The following DMD variants were observed in gnomAD, a reference collection of about 807,000 sequenced individuals.
DMD encodes the protein dystrophin.
In DMD, 63 loss-of-function variants were observed where a neutral mutation model predicts 330.1. The ratio of observed to expected loss-of-function variants is 0.19; its 90% confidence interval spans 0.16 to 0.24. The LOEUF (loss-of-function observed/expected upper bound fraction) is 0.24. Among genes scored for constraint, DMD ranks in the 10% least tolerant of loss-of-function variants. The pLI is 1.00. For missense variants in DMD, 3,344 were observed against 2,684.1 expected, an observed-to-expected ratio of 1.25 and a Z score of -5.43; for synonymous variants, 1,223 against 959.8, an observed-to-expected ratio of 1.27 and a Z score of -5.07.
chrX:31,293,220 T>TGTGTGTGAGTGTGTGTGTAGTCTGGTTTA (rs2053898360), intron 62 of DMD, among the ~76,000 whole-genome samples: 1 of 100,851 alleles, frequency 9.9e-6, no homozygotes, highest in African/African-American at 3.7e-5. Flanking sequence ...TGTGTGTGTG[T>TGTGTGTGAGTGTGTGTGTAGTCTGGTTTA]GTGTGTGTGT....
intron 61 of DMD, among the ~76,000 whole-genome samples, chrX:31,329,969 CAAAAAAAAA>C (rs142353794): frequency 3.1e-4 from 4 of 12,877 alleles, no homozygotes; most frequent in African/African-American, 6.1e-4. Flanking sequence ...GATTCCATCT[CAAAAAAAAA>C]AAAAAAAAAA....
rs149865862 is a variant in DMD, at chrX:31,946,426, T to C, written c.6615-14199A>G. ...TATCTTCTACATTACCTCTGGGCATTAAAATTTGATTCTGCATGAACTTTA... is the reference window on the plus strand; with the variant it reads ...TATCTTCTACATTACCTCTGGGCATCAAAATTTGATTCTGCATGAACTTTA... On this transcript the variant is annotated intron_variant, in intron 45 of 78. Transcript: ENST00000357033. 1.4e-3 allele frequency among the ~76,000 whole-genome samples: 155 copies of C among 111,856 alleles called. 2 individuals are homozygous for C. In the East Asian group the frequency reaches 0.038, roughly 27 times the overall value.
intron 1 of DMD, among the ~76,000 whole-genome samples, chrX:33,273,166 T>C (rs182602279): frequency 1.8e-5 from 2 of 112,401 alleles, no homozygotes; most frequent in African/African-American, 6.5e-5. Flanking sequence ...TGAACAACAA[T>C]GTAACATCAA....
chrX:32,009,877 T>A (rs1362569393), intron 44 of DMD, among the ~76,000 whole-genome samples: 1 of 112,331 alleles, frequency 8.9e-6, no homozygotes, highest in Non-Finnish European at 1.9e-5. Flanking sequence ...GAAACCATGA[T>A]AAAATCCAGC....
intron 15 of DMD, among the ~76,000 whole-genome samples, chrX:32,570,868 G>A (rs1258096423): frequency 2.7e-5 from 3 of 111,589 alleles, no homozygotes; most frequent in African/African-American, 9.8e-5. Flanking sequence ...TTCTTGATTG[G>A]TAAATCTAGT....
At chrX:32,894,462 G>A (rs1028146700) in intron 2 of DMD, among the ~76,000 whole-genome samples, 2 of 112,750 alleles carry the variant, frequency 1.8e-5, no homozygotes, top group Admixed American at 9.3e-5. Context: ...GCGGTGGGAT[G>A]AGCGGGCAAA....
intron 41 of DMD, among the ~76,000 whole-genome samples, chrX:32,325,313 C>T (rs1164134569): frequency 1.8e-5 from 2 of 110,749 alleles, no homozygotes; most frequent in Non-Finnish European, 3.8e-5. Context: ...AGTAATACTG[C>T]AATACATTTA....
chrX:32,394,562 A>C (rs1479045121), intron 30 of DMD, among the ~76,000 whole-genome samples: 1 of 111,946 alleles, frequency 8.9e-6, no homozygotes, highest in African/African-American at 3.2e-5. Context: ...TATTTGCACA[A>C]ATATTTAGTT....
At chrX:31,622,868 A>ATATATG (rs1156648683) in intron 55 of DMD, among the ~76,000 whole-genome samples, 1 of 92,461 alleles carries the variant, frequency 1.1e-5, no homozygotes, top group East Asian at 3.5e-4. Flanking sequence ...ATATATATAT[A>ATATATG]TATATATATA....
chrX:31,510,134 TACC>T (rs750196535), intron 55 of DMD, among the ~76,000 whole-genome samples: 146 of 112,373 alleles, frequency 1.3e-3, no homozygotes, highest in Non-Finnish European at 2.6e-3. Context: ...CGTACAAATG[TACC>T]ACCTTAGTTA....
At chrX:31,990,001 T>C (rs1352636538) in intron 44 of DMD, among the ~76,000 whole-genome samples, 1 of 111,141 alleles carries the variant, frequency 9.0e-6, no homozygotes, top group African/African-American at 3.3e-5. Flanking sequence ...GTGTTGGAAA[T>C]TTGCTTTAAT....
intron 12 of DMD, among the ~76,000 whole-genome samples, chrX:32,609,323 C>T (rs761116022): frequency 1.8e-5 from 2 of 110,986 alleles, no homozygotes; most frequent in African/African-American, 6.5e-5. Context: ...TAAATTGCTG[C>T]TATTTCTAGT....
chrX:31,838,726 C>G (rs1210203905), intron 48 of DMD, among the ~76,000 whole-genome samples: 3 of 111,276 alleles, frequency 2.7e-5, no homozygotes, highest in Non-Finnish European at 5.7e-5. Flanking sequence ...ACCCTGATTC[C>G]AACAGATTGC....
At chrX:33,124,494 A>AAAAAAAAAAAAAAC (rs2095447622) in intron 1 of DMD, among the ~76,000 whole-genome samples, 1 of 105,471 alleles carries the variant, frequency 9.5e-6, no homozygotes, top group African/African-American at 3.5e-5. Context: ...AAAAAAAAAA[A>AAAAAAAAAAAAAAC]AAAAAAAAAA....
chrX:33,085,039 G>A (rs958145420), intron 1 of DMD, among the ~76,000 whole-genome samples: 4 of 111,342 alleles, frequency 3.6e-5, no homozygotes, highest in African/African-American at 1.3e-4. Context: ...TTGTTTTATT[G>A]TAGCTCAAAT....
At chrX:32,307,290 G>A (rs2097544004) in intron 42 of DMD, among the ~76,000 whole-genome samples, 1 of 111,305 alleles carries the variant, frequency 9.0e-6, no homozygotes, top group Non-Finnish European at 1.9e-5. Context: ...AGAATTTTGG[G>A]TCAGAGCATA....
At chrX:32,308,231 T>C (rs2097547921) in intron 42 of DMD, among the ~76,000 whole-genome samples, 1 of 111,260 alleles carries the variant, frequency 9.0e-6, no homozygotes, top group Non-Finnish European at 1.9e-5. Context: ...ACATATTACA[T>C]ATTATTTGTG....
chrX:32,181,826 T>C (rs1231980096), intron 44 of DMD, among the ~76,000 whole-genome samples: 5 of 111,679 alleles, frequency 4.5e-5, no homozygotes, highest in Admixed American at 9.6e-5. Flanking sequence ...AATGATAGCT[T>C]AGATTCCTCT....
chrX:33,059,386 TTCTC>T (rs113185861), intron 1 of DMD, among the ~76,000 whole-genome samples: 12 of 106,158 alleles, frequency 1.1e-4, no homozygotes, highest in African/African-American at 3.7e-4. Context: ...CTCACTTTCT[TTCTC>T]TCTCTCTCTC....
Sources: gnomAD v4.1 joint callset for allele counts (sites outside exome capture counted in the v4.1 genomes callset) on GRCh38, gnomAD v4.1.1 for gene constraint, MANE v1.5 for transcripts, NCBI Gene and HGNC (gene_info 2026-07-23, HGNC 2026-07-21) for gene names.